The following SYT3 variants were observed in gnomAD, a reference collection of about 807,000 sequenced individuals.
The protein encoded by SYT3 is synaptotagmin-3.
In SYT3, 25 loss-of-function variants were observed where a neutral mutation model predicts 50.6. The observed-to-expected ratio is 0.49, with a 90% CI of 0.36 to 0.69. The LOEUF (loss-of-function observed/expected upper bound fraction) is 0.69, where lower values mean the gene tolerates loss of function less well. Among genes scored for constraint, SYT3 ranks in the 30% least tolerant of loss-of-function variants. The probability of loss-of-function intolerance (pLI) is 0.00; values close to 1 mark genes in which losing one functional copy is unlikely to be tolerated. For missense variants in SYT3, 589 were observed against 793.6 expected, an observed-to-expected ratio of 0.74 and a Z score of 3.10; for synonymous variants, 323 against 353.9, an observed-to-expected ratio of 0.91 and a Z score of 0.98.
the SYT3 span, among the ~76,000 whole-genome samples, chr19:50,654,632 TTCTCTCTTTCTG>T: frequency 7.5e-6 from 1 of 134,142 alleles, no homozygotes; most frequent in Admixed American, 7.3e-5. Context: ...CCTTCCTTCC[TTCTCTCTTTCTG>T]TCTCTCTTTC....
At chr19:50,643,088 G>T (rs1984705574), upstream of SYT3, among the ~76,000 whole-genome samples, 1 of 151,570 alleles carries the variant, frequency 6.6e-6, no homozygotes, top group Non-Finnish European at 1.5e-5. Context: ...GTATGGGTCT[G>T]GACCAAGTGC....
At chr19:50,653,909 G>A in the SYT3 span, among the ~76,000 whole-genome samples, 59 of 152,222 alleles carry the variant, frequency 3.9e-4, no homozygotes, top group African/African-American at 1.3e-3. Context: ...GAACCAGGAG[G>A]GGTAGATGGA....
upstream of SYT3, among the ~76,000 whole-genome samples, chr19:50,644,384 T>C (rs1007201221): frequency 3.3e-5 from 5 of 151,188 alleles, no homozygotes; most frequent in Non-Finnish European, 7.4e-5. Context: ...ACATGGATGA[T>C]TGGATGGATA....
chr19:50,643,658 T>G (rs548728623), upstream of SYT3, among the ~76,000 whole-genome samples: 1 of 152,122 alleles, frequency 6.6e-6, no homozygotes, highest in Non-Finnish European at 1.5e-5. Context: ...TCAACTCGAT[T>G]CATGCAGTCA....
At chr19:50,643,682 TTC>T (rs1289338158), upstream of SYT3, among the ~76,000 whole-genome samples, 1 of 151,728 alleles carries the variant, frequency 6.6e-6, no homozygotes, top group Non-Finnish European at 1.5e-5. Context: ...GAGAAATACT[TTC>T]TGAGCACCTA....
Position 50,632,603 on chromosome 19 carries a change from A to C in SYT3, c.357T>G (p.Ala119=). ...CCAGCAGAGGATGGCCACCCAGGCC[A>C]GCCGCCAGGTGGTGCCCGCCTCCGC... ...LVGGGGHHLA[A]GLGGHPLLGG... is the part of the protein sequence containing the mutation. The change falls in exon 4 of 11, where the codon GCT becomes GCG. Residue 119 remains alanine (A), a synonymous_variant. Transcript: ENST00000600079. This position sits in a 1 kb window ranked among gnomAD's most constrained non-coding sequence, Gnocchi z 4.7. 1 of 1,578,760 alleles carries C rather than the reference A, an allele frequency of 6.3e-7. No individual in the cohort carries two copies. The highest frequency in any genetic ancestry group is 1.1e-5 in the South Asian group (1 of 89,014).
At chr19:50,649,479 C>T in the SYT3 span, 1 of 1,536,254 alleles carries the variant, frequency 6.5e-7, no homozygotes, top group Non-Finnish European at 8.7e-7. Flanking sequence ...TGCTTCCCTG[C>T]CATGGGCAGC....
At chr19:50,645,066 T>C in the SYT3 span, among the ~76,000 whole-genome samples, 1 of 152,236 alleles carries the variant, frequency 6.6e-6, no homozygotes, top group Non-Finnish European at 1.5e-5. Context: ...TAAATACAGA[T>C]TCACTTGTTC....
At chr19:50,634,343 A>G (rs925856019) in intron 3 of SYT3, among the ~76,000 whole-genome samples, 2 of 152,206 alleles carry the variant, frequency 1.3e-5, no homozygotes, top group African/African-American at 4.8e-5. Context: ...GTCCAGTTAT[A>G]TTAGGGGACA....
the SYT3 span, among the ~76,000 whole-genome samples, chr19:50,646,064 A>G: frequency 7.2e-5 from 11 of 152,290 alleles, no homozygotes; most frequent in Admixed American, 4.6e-4. Context: ...AGGAGCAGAG[A>G]GAGATGCAGA....
chr19:50,653,764 A>G, the SYT3 span, among the ~76,000 whole-genome samples: 2 of 149,758 alleles, frequency 1.3e-5, no homozygotes, highest in Non-Finnish European at 3.0e-5. Flanking sequence ...GAAGGGTGTT[A>G]GCAAGGACTT....
chr19:50,647,378 T>G, the SYT3 span, among the ~76,000 whole-genome samples: 1 of 150,362 alleles, frequency 6.7e-6, no homozygotes, highest in East Asian at 2.0e-4. Flanking sequence ...GGCGAGAGAA[T>G]GGAGGATGGG....
chr19:50,626,073 C>T, intron 6 of SYT3, 56 bp from the exon 7 acceptor site: 3 of 1,584,208 alleles, frequency 1.9e-6, no homozygotes, highest in Middle Eastern at 1.7e-4. Context: ...TCAACTCTCC[C>T]TGATTTTCTC....
chr19:50,623,979 A>T (rs1983950136), intron 9 of SYT3, among the ~76,000 whole-genome samples: 1 of 149,794 alleles, frequency 6.7e-6, no homozygotes, highest in Non-Finnish European at 1.5e-5. Flanking sequence ...TTTTTTTTTA[A>T]GGAGAGGGGT....
Position 50,621,987 on chromosome 19 carries a change from A to C in SYT3, c.*498T>G, listed in dbSNP as rs2122990585. ...GGACAGGAGGCCCAGTTGGAGTGAG[A>C]CCCACAGAGTGTGTTTATTCTGGCG... On this transcript the variant is annotated 3_prime_UTR_variant, in exon 11 of 11. Transcript: ENST00000600079. 1 of 140,440 alleles carries C rather than the reference A, an allele frequency of 7.1e-6. No homozygotes were observed. The highest frequency in any genetic ancestry group is 1.5e-5 in the Non-Finnish European group (1 of 65,982). 8.7% of individuals were successfully genotyped at this position (140,440 alleles called of 1,614,324 possible). A position where few individuals can be genotyped will look rare whatever the true frequency, so the allele number is the denominator to read the frequency against.
In SYT3 at chr19:50,622,479, G is replaced by C. The variant is rs1983886816; in HGVS notation, c.*6C>G. 1.9e-6 allele frequency: 1 copy of C among 523,336 alleles called. No individual in the cohort carries two copies. Among genetic ancestry groups the C allele is most frequent in the Admixed American group, 3.2e-5 (1 of 31,274 alleles). 32.4% of individuals were successfully genotyped at this position (523,336 alleles called of 1,614,324 possible). A position where few individuals can be genotyped will look rare whatever the true frequency, so the allele number is the denominator to read the frequency against. On this transcript the variant is annotated splice_region_variant and 3_prime_UTR_variant, in exon 11 of 11. Transcript: ENST00000600079. Reference sequence around the variant, plus strand: ...CTGGTCCGATCCCGGGCCTAGGCCAGACCTGCACGATGGAGCAGGAAAGGA... The same window carrying C: ...CTGGTCCGATCCCGGGCCTAGGCCACACCTGCACGATGGAGCAGGAAAGGA...
intron 3 of SYT3, among the ~76,000 whole-genome samples, chr19:50,636,601 C>T (rs1984501804): frequency 1.3e-5 from 2 of 152,246 alleles, no homozygotes; most frequent in East Asian, 3.8e-4. Flanking sequence ...AATGTTTCCT[C>T]ATTCCCAGAA....
In SYT3 at chr19:50,630,178, G is replaced by A. The variant is rs1396367581; in HGVS notation, c.675-7C>T. ...TCGGGGCAGGGCTGGGTACCTGTAG[G>A]GGGTTGGGGGGAGACCAAGGTGAGG... On this transcript the variant is annotated splice_region_variant and splice_polypyrimidine_tract_variant and intron_variant, in intron 4 of 10. Transcript: ENST00000600079. 1 of 1,514,494 alleles carries A rather than the reference G, an allele frequency of 6.6e-7. No individual in the cohort carries two copies. Among genetic ancestry groups the A allele is most frequent in the South Asian group, 1.3e-5 (1 of 75,682 alleles). The allele number at this position is 1,514,494 out of a possible 1,614,324, so 93.8% of individuals were successfully genotyped here.
At chr19:50,630,280 G>A in intron 4 of SYT3, 109 bp from the exon 5 acceptor site, 1 of 1,156,650 alleles carries the variant, frequency 8.6e-7, no homozygotes, top group Non-Finnish European at 1.2e-6. Context: ...CCCCAGCCAG[G>A]TGGCCACAAG....
Sources: gnomAD v4.1 joint callset for allele counts (sites outside exome capture counted in the v4.1 genomes callset) on GRCh38, gnomAD v4.1.1 for gene constraint, Gnocchi (gnomAD v3.1) non-coding constraint, MANE v1.5 for transcripts, NCBI Gene and HGNC (gene_info 2026-07-23, HGNC 2026-07-21) for gene names.